Variants in VWDE observed in about 807,000 individuals in gnomAD.
The protein encoded by VWDE is von Willebrand factor D and EGF domain-containing protein.
A neutral mutation model predicts 178.4 loss-of-function variants in VWDE; 207 were observed. That is an observed-to-expected ratio of 1.16 (90% CI 1.04 to 1.30). The LOEUF (loss-of-function observed/expected upper bound fraction) is 1.30, where lower values mean the gene tolerates loss of function less well. VWDE is among the 50% of genes most tolerant of loss of function. The probability of loss-of-function intolerance (pLI) is 0.00; values close to 1 mark genes in which losing one functional copy is unlikely to be tolerated. For missense variants in VWDE, 2,287 were observed against 1,901.3 expected (o/e 1.20, Z -3.77); for synonymous variants, 738 against 651.4 (o/e 1.13, Z -2.02).
chr7:12,382,750 G>C (rs1168140101), intron 4 of VWDE, among the ~76,000 whole-genome samples: 1 of 151,654 alleles, frequency 6.6e-6, no homozygotes, highest in African/African-American at 2.4e-5. Context: ...CCCATAAAAG[G>C]CTAATATTTC....
intron 27 of VWDE, 110 bp downstream of exon 27, chr7:12,336,031 G>T: frequency 1.2e-6 from 1 of 827,140 alleles, no homozygotes; most frequent in Non-Finnish European, 1.8e-6. Context: ...AAAAGGATCA[G>T]CATGCTGGAG....
In VWDE at chr7:12,352,673, C is replaced by G. The variant is rs541384609; in HGVS notation, c.3746-960G>C. 2.0e-5 allele frequency among the ~76,000 whole-genome samples: 3 copies of G among 152,232 alleles called. No individual in the cohort carries two copies. In the East Asian group the frequency reaches 5.8e-4, roughly 29 times the overall value. The stretch of plus-strand genomic sequence containing the variant: ...TGAGAAGCAGAAGTAGAGAATTCCC[C>G]TTACCATCCTATACTGTGTTGCTCA... On this transcript the variant is annotated intron_variant, in intron 18 of 28. Coordinates refer to ENST00000275358, the MANE Select transcript of VWDE (RefSeq NM_001135924.3).
At chr7:12,339,653 A>G (rs1781221259) in intron 24 of VWDE, among the ~76,000 whole-genome samples, 1 of 152,166 alleles carries the variant, frequency 6.6e-6, no homozygotes, top group South Asian at 2.1e-4. Flanking sequence ...AATTATGGAA[A>G]TACTCTGACA....
chr7:12,339,822 G>A (rs769437652), intron 24 of VWDE, among the ~76,000 whole-genome samples: 1 of 152,082 alleles, frequency 6.6e-6, no homozygotes, highest in African/African-American at 2.4e-5. Context: ...ATGAGGGAAA[G>A]TGTTAAAATA....
At chr7:12,337,956 G>A (rs1486028181) in intron 24 of VWDE, among the ~76,000 whole-genome samples, 5 of 151,892 alleles carry the variant, frequency 3.3e-5, no homozygotes, top group Admixed American at 1.3e-4. Flanking sequence ...TTAAATGCAG[G>A]CATTTCTTTT....
intron 19 of VWDE, 138 bp downstream of exon 19, chr7:12,351,435 A>G: frequency 1.1e-6 from 1 of 908,346 alleles, no homozygotes; most frequent in Non-Finnish European, 1.6e-6. Flanking sequence ...GAGAAAGGAT[A>G]AATTTTAAAC....
chr7:12,351,467 G>T, intron 19 of VWDE, 106 bp downstream of exon 19: 1 of 1,218,270 alleles, frequency 8.2e-7, no homozygotes, highest in Non-Finnish European at 1.1e-6. Flanking sequence ...ACCTTTAGGT[G>T]ATCTTTCTAA....
intron 1 of VWDE, among the ~76,000 whole-genome samples, chr7:12,399,268 G>T (rs906574860): frequency 3.9e-5 from 6 of 152,062 alleles, no homozygotes; most frequent in Non-Finnish European, 7.4e-5. Flanking sequence ...CAAAAGAAAG[G>T]TGGTGTGGCT....
chr7:12,380,060 C>T (rs1257754432), intron 5 of VWDE, among the ~76,000 whole-genome samples: 2 of 151,152 alleles, frequency 1.3e-5, no homozygotes, highest in South Asian at 2.1e-4. Flanking sequence ...TCCGAGATCG[C>T]GCCACTGCAC....
At chr7:12,359,241 G>C (rs1782439348) in intron 16 of VWDE, among the ~76,000 whole-genome samples, 1 of 152,132 alleles carries the variant, frequency 6.6e-6, no homozygotes, top group African/African-American at 2.4e-5. Context: ...AGATTACTGA[G>C]TCCAGATACC....
intron 2 of VWDE, among the ~76,000 whole-genome samples, chr7:12,392,238 T>A (rs1254991222): frequency 6.6e-6 from 1 of 152,218 alleles, no homozygotes; most frequent in Admixed American, 6.5e-5. Context: ...CTAGTGAGTT[T>A]ACATATGCAA....
At chr7:12,382,039 T>G (rs922652341) in intron 4 of VWDE, among the ~76,000 whole-genome samples, 1 of 151,824 alleles carries the variant, frequency 6.6e-6, no homozygotes, top group Non-Finnish European at 1.5e-5. Flanking sequence ...AAATCAAAAT[T>G]AGTATTCCTT....
intron 24 of VWDE, among the ~76,000 whole-genome samples, chr7:12,339,495 C>T (rs987144091): frequency 6.6e-6 from 1 of 152,112 alleles, no homozygotes; most frequent in East Asian, 1.9e-4. Flanking sequence ...GGAACTCATT[C>T]GCTATGCCCG....
At chr7:12,340,596 G>A (rs904600679) in intron 23 of VWDE, among the ~76,000 whole-genome samples, 179 bp from the exon 24 acceptor site, 2 of 152,092 alleles carry the variant, frequency 1.3e-5, no homozygotes, top group Non-Finnish European at 2.9e-5. Flanking sequence ...CTGGATAATC[G>A]CTTTGAAAGT....
chr7:12,389,197 T>TA lies in VWDE; in HGVS notation c.404dup (p.Arg136LysfsTer27). On this transcript the variant is annotated frameshift_variant, in exon 3 of 29. Coordinates refer to ENST00000275358, the MANE Select transcript of VWDE (RefSeq NM_001135924.3). LOFTEE classifies it high-confidence loss of function. ...ATACAGAAAAGTTCCCACAGTTTCT[T>TA]ACAGACACTGGGATTTGAAAGAGAC... 1 of 1,551,860 alleles carries TA rather than the reference T, an allele frequency of 6.4e-7. No homozygotes were observed. The highest frequency in any genetic ancestry group is 8.7e-7 in the Non-Finnish European group (1 of 1,147,014).
chr7:12,380,253 T>G (rs1355333453), intron 5 of VWDE, among the ~76,000 whole-genome samples: 2 of 151,090 alleles, frequency 1.3e-5, no homozygotes, highest in Non-Finnish European at 2.9e-5. Context: ...AAAAAAGGAT[T>G]AATAATAATC....
intron 19 of VWDE, among the ~76,000 whole-genome samples, chr7:12,345,743 A>T (rs575200075): frequency 6.6e-6 from 1 of 152,140 alleles, no homozygotes; most frequent in African/African-American, 2.4e-5. Context: ...ACTCACCCAG[A>T]CTGAGATTTG....
chr7:12,391,605 T>A (rs1325145808), intron 2 of VWDE, among the ~76,000 whole-genome samples: 1 of 152,070 alleles, frequency 6.6e-6, no homozygotes, highest in Non-Finnish European at 1.5e-5. Context: ...AAATTCTGAA[T>A]TTTTTTTAGT....
chr7:12,349,523 T>C lies in VWDE; in HGVS notation c.3886+2050A>G, dbSNP rs564340683. 3.3e-5 allele frequency among the ~76,000 whole-genome samples: 5 copies of C among 151,610 alleles called. No individual in the cohort carries two copies. In the East Asian group the frequency reaches 9.7e-4, roughly 29 times the overall value. Reference sequence around the variant, plus strand: ...TTAAAAATATATTTATTTGATTACATAAAATCTTAATGCTTTCATATAAAA... The same window carrying C: ...TTAAAAATATATTTATTTGATTACACAAAATCTTAATGCTTTCATATAAAA... On this transcript the variant is annotated intron_variant, in intron 19 of 28. Transcript: ENST00000275358.
Sources: allele counts gnomAD v4.1 joint callset (sites outside exome capture counted in the v4.1 genomes callset), GRCh38; gene constraint gnomAD v4.1.1; transcripts MANE v1.5; gene names NCBI Gene and HGNC (gene_info 2026-07-23, HGNC 2026-07-21).